Variants in FAM227B observed in about 807,000 individuals in gnomAD.
FAM227B encodes the protein protein FAM227B.
Under a neutral mutation model 73.8 loss-of-function variants are expected in FAM227B, and 88 were observed. The ratio of observed to expected loss-of-function variants is 1.19; its 90% confidence interval spans 1.00 to 1.42. FAM227B has a LOEUF of 1.42. Ranked by LOEUF, FAM227B falls within the 40% of genes most tolerant of loss-of-function variation. The probability of loss-of-function intolerance (pLI) is 0.00; values close to 1 mark genes in which losing one functional copy is unlikely to be tolerated. For synonymous variants in FAM227B, 210 were observed against 190.5 expected (o/e 1.10, Z -0.84); for missense variants, 632 against 590.9 (o/e 1.07, Z -0.72).
chr15:49,549,884 C>T (rs1373947257), intron 9 of FAM227B, among the ~76,000 whole-genome samples: 2 of 151,748 alleles, frequency 1.3e-5, no homozygotes, highest in African/African-American at 4.8e-5. Context: ...CCTCACTTCC[C>T]AGACGGGGTG....
chr15:49,457,426 A>T lies in FAM227B; in HGVS notation c.1012+50785T>A, dbSNP rs1461304544. Among the ~76,000 whole-genome samples the T allele has an allele frequency of 2.6e-5, 4 of 152,204 alleles. No individual in the cohort carries two copies. The East Asian group carries it at 7.7e-4, about 29-fold the overall frequency. On this transcript the variant is annotated intron_variant, in intron 11 of 15. Transcript: ENST00000299338. ...ATTTCAAAGCTGAATGGTTTGGAAA[A>T]TTATGATGCCATTAACTAAAACAGG...
intron 11 of FAM227B, chr15:49,489,107 T>C: frequency 4.1e-6 from 1 of 243,930 alleles, no homozygotes; most frequent in Non-Finnish European, 6.6e-6. Context: ...TAGCCTAGTT[T>C]CAAAAGCGAT....
At chr15:49,541,931 T>G (rs12905865) in intron 9 of FAM227B, 125 bp from the exon 10 acceptor site, 84,762 of 746,686 alleles carry the variant, frequency 0.11, 6,020 homozygotes, top group East Asian at 0.32. Flanking sequence ...AAATTCGCCA[T>G]TTTTTAAATT....
intron 2 of FAM227B, among the ~76,000 whole-genome samples, chr15:49,614,506 A>C (rs530645055): frequency 1.3e-5 from 2 of 152,342 alleles, no homozygotes; most frequent in East Asian, 3.9e-4. Flanking sequence ...CAACTGCAGA[A>C]GTTGTAAACC....
At chr15:49,604,834 T>C (rs1025324507) in intron 3 of FAM227B, among the ~76,000 whole-genome samples, 1 of 151,988 alleles carries the variant, frequency 6.6e-6, no homozygotes, top group African/African-American at 2.4e-5. Flanking sequence ...CTGTTGAAGC[T>C]TTCTATGGAA....
At position 49,578,091 on chromosome 15, in the gene FAM227B, G is replaced by T. The variant is rs1236591371; in HGVS notation, c.406-427C>A. Among the ~76,000 whole-genome samples, 7 of 152,222 alleles carry T rather than the reference G, an allele frequency of 4.6e-5. 1 individual carries two copies. The highest frequency in any genetic ancestry group is 4.6e-4 in the Admixed American group (7 of 15,282). On this transcript the variant is annotated intron_variant, in intron 5 of 15. Transcript: ENST00000299338. ...GATGGAGAAATTAGTTATGATGGAG[G>T]CCTAATAGCCACAACTGGCTCAAAG...
chr15:49,509,516 C>T (rs563949893), intron 10 of FAM227B, among the ~76,000 whole-genome samples: 3 of 151,874 alleles, frequency 2.0e-5, no homozygotes, highest in African/African-American at 7.2e-5. Flanking sequence ...GCCATCAAGG[C>T]AGACGTGAAA....
chr15:49,416,916 C>G (rs954343037), intron 11 of FAM227B, among the ~76,000 whole-genome samples: 4 of 152,126 alleles, frequency 2.6e-5, no homozygotes, highest in African/African-American at 9.7e-5. Flanking sequence ...AAAAAGATTC[C>G]ATGTTCATGG....
At chr15:49,374,949 T>G (rs188236157) in intron 11 of FAM227B, among the ~76,000 whole-genome samples, 12 of 152,320 alleles carry the variant, frequency 7.9e-5, no homozygotes, top group Admixed American at 6.5e-4. Context: ...AATCTGATCA[T>G]CTGCAGGCCC....
At chr15:49,365,231 TCCTTA>T in intron 13 of FAM227B, 1 of 1,041,270 alleles carries the variant, frequency 9.6e-7, no homozygotes, top group Non-Finnish European at 1.5e-6. Flanking sequence ...CTTTTTCATT[TCCTTA>T]CATTTCCAGG....
chr15:49,393,731 T>C (rs1380196944), intron 11 of FAM227B, among the ~76,000 whole-genome samples: 1 of 152,136 alleles, frequency 6.6e-6, no homozygotes, highest in Non-Finnish European at 1.5e-5. Flanking sequence ...CCCTGACTAC[T>C]GCGACTAACT....
intron 11 of FAM227B, among the ~76,000 whole-genome samples, chr15:49,393,177 T>C (rs72727277): frequency 0.051 from 7,788 of 152,292 alleles, 265 homozygotes; most frequent in East Asian, 0.072. Context: ...TACACTTTAT[T>C]TGAAATGCAG....
rs966475354 is a variant in FAM227B, at chr15:49,481,000, T to G, written c.1012+27211A>C. Among the ~76,000 whole-genome samples, 10 of 152,186 alleles carry G rather than the reference T, an allele frequency of 6.6e-5. 1 individual carries two copies. The highest frequency in any genetic ancestry group is 1.5e-4 in the Non-Finnish European group (10 of 68,018). On this transcript the variant is annotated intron_variant, in intron 11 of 15. Transcript: ENST00000299338. ...AGCCAGCAAACATTACAGATTCCAG[T>G]CCCTAATAACTGATCATGAAAGACA...
At chr15:49,468,722 T>C (rs1268068743) in intron 11 of FAM227B, among the ~76,000 whole-genome samples, 1 of 152,136 alleles carries the variant, frequency 6.6e-6, no homozygotes, top group African/African-American at 2.4e-5. Context: ...CTCAATTCTT[T>C]CCTAACTCAA....
intron 11 of FAM227B, among the ~76,000 whole-genome samples, chr15:49,434,909 T>C (rs2050955524): frequency 6.6e-6 from 1 of 151,572 alleles, no homozygotes; most frequent in South Asian, 2.1e-4. Context: ...TGTTTTTCCT[T>C]TAAAGGGAAA....
At chr15:49,502,384 A>G (rs1381229696) in intron 11 of FAM227B, among the ~76,000 whole-genome samples, 1 of 152,254 alleles carries the variant, frequency 6.6e-6, no homozygotes, top group Admixed American at 6.5e-5. Flanking sequence ...TTTGGTGCCC[A>G]TCCTTTGCAC....
chr15:49,390,586 T>C (rs905798802), intron 11 of FAM227B, among the ~76,000 whole-genome samples: 1 of 151,714 alleles, frequency 6.6e-6, no homozygotes, highest in Non-Finnish European at 1.5e-5. Flanking sequence ...AAGTAAAAGG[T>C]TTTTCAACAG....
At chr15:49,615,025 G>T in intron 2 of FAM227B, 96 bp downstream of exon 2, 1 of 1,138,372 alleles carries the variant, frequency 8.8e-7, no homozygotes, top group Non-Finnish European at 1.3e-6. Flanking sequence ...GTGTTTCAGT[G>T]ACAAAGCCAG....
chr15:49,461,289 A>C (rs901124443), intron 11 of FAM227B, among the ~76,000 whole-genome samples: 1 of 152,170 alleles, frequency 6.6e-6, no homozygotes, highest in Non-Finnish European at 1.5e-5. Flanking sequence ...GAGAGCTAAC[A>C]ATTTATTTTT....
Sources: allele counts gnomAD v4.1 joint callset (sites outside exome capture counted in the v4.1 genomes callset), GRCh38; gene constraint gnomAD v4.1.1; transcripts MANE v1.5; gene names NCBI Gene and HGNC (gene_info 2026-07-23, HGNC 2026-07-21).